WWOX: variants seen among roughly 807,000 people sequenced by gnomAD.
WWOX encodes the protein WW domain-containing oxidoreductase.
A neutral mutation model predicts 46.2 loss-of-function variants in WWOX; 69 were observed. That is an observed-to-expected ratio of 1.49 (90% CI 1.23 to 1.82). The LOEUF (loss-of-function observed/expected upper bound fraction) is 1.82, where lower values mean the gene tolerates loss of function less well. Among genes scored for constraint, WWOX ranks in the 40% most tolerant of loss-of-function variants. The pLI, the probability that WWOX is intolerant of heterozygous loss-of-function variation, is 0.00. For missense variants in WWOX, 919 were observed against 542.6 expected (o/e 1.69, Z -6.89); for synonymous variants, 359 against 202.6 (o/e 1.77, Z -6.56).
intron 8 of WWOX, among the ~76,000 whole-genome samples, chr16:78,965,358 T>G (rs9927534): frequency 0.98 from 149,140 of 152,184 alleles, 73,163 homozygotes; most frequent in East Asian, 1. Flanking sequence ...CACCTGAGGT[T>G]AGGAGTTCGA....
intron 8 of WWOX, among the ~76,000 whole-genome samples, chr16:78,888,320 A>G (rs1321342031): frequency 1.3e-5 from 2 of 152,052 alleles, no homozygotes; most frequent in Non-Finnish European, 2.9e-5. Flanking sequence ...GCTTTCCTTG[A>G]TTTGTTGTTT....
At chr16:78,952,310 A>G (rs572806755) in intron 8 of WWOX, among the ~76,000 whole-genome samples, 3 of 151,980 alleles carry the variant, frequency 2.0e-5, no homozygotes, top group Admixed American at 1.3e-4. Flanking sequence ...ATAAGTTTTC[A>G]TAGTTCTGTG....
intron 8 of WWOX, among the ~76,000 whole-genome samples, chr16:79,005,452 C>A (rs1386269177): frequency 1.3e-5 from 2 of 152,118 alleles, no homozygotes; most frequent in Non-Finnish European, 2.9e-5. Flanking sequence ...CTGTATTTTC[C>A]CACAGTTTTG....
At chr16:78,709,784 A>G (rs990697795) in intron 8 of WWOX, among the ~76,000 whole-genome samples, 1 of 149,358 alleles carries the variant, frequency 6.7e-6, no homozygotes, top group Non-Finnish European at 1.5e-5. Context: ...GCTGGAGTGC[A>G]GTGGTGTGAT....
intron 5 of WWOX, among the ~76,000 whole-genome samples, chr16:78,238,743 C>T (rs1481710408): frequency 6.6e-6 from 1 of 151,890 alleles, no homozygotes; most frequent in African/African-American, 2.4e-5. Context: ...CCGCAGCCTC[C>T]CGAGTAGCTG....
chr16:78,454,103 C>G (rs1457535941), intron 8 of WWOX, among the ~76,000 whole-genome samples: 1 of 152,180 alleles, frequency 6.6e-6, no homozygotes, highest in Non-Finnish European at 1.5e-5. Flanking sequence ...CCCAGCAAGC[C>G]TCTTCCAGTA....
chr16:79,064,524 G>T (rs2048408874), intron 8 of WWOX, among the ~76,000 whole-genome samples: 1 of 152,248 alleles, frequency 6.6e-6, no homozygotes, highest in Admixed American at 6.5e-5. Flanking sequence ...CAGATGTGGA[G>T]ACACCTGGAG....
intron 8 of WWOX, among the ~76,000 whole-genome samples, chr16:78,940,118 C>T (rs906169734): frequency 6.6e-5 from 10 of 152,108 alleles, no homozygotes; most frequent in African/African-American, 1.7e-4. Context: ...CAGGGTCTTC[C>T]GAGACTTGGG....
At chr16:78,476,295 T>C (rs2084347052) in intron 8 of WWOX, among the ~76,000 whole-genome samples, 1 of 152,216 alleles carries the variant, frequency 6.6e-6, no homozygotes, top group South Asian at 2.1e-4. Flanking sequence ...TCTGATCATA[T>C]CCTTCGCCCA....
At chr16:79,143,473 C>T (rs1264459117) in intron 8 of WWOX, among the ~76,000 whole-genome samples, 3 of 152,110 alleles carry the variant, frequency 2.0e-5, no homozygotes, top group Non-Finnish European at 4.4e-5. Flanking sequence ...TAAGTGGATT[C>T]TTCGACTTTA....
At chr16:78,634,825 AGAGAGAGAGAGAGTGTGT>A (rs1567452643) in intron 8 of WWOX, among the ~76,000 whole-genome samples, 1 of 109,310 alleles carries the variant, frequency 9.1e-6, no homozygotes, top group African/African-American at 3.8e-5. Flanking sequence ...AGAGAGAGAG[AGAGAGAGAGAGAGTGTGT>A]GTGTGTGTGT....
intron 8 of WWOX, among the ~76,000 whole-genome samples, chr16:78,495,324 A>G (rs1227045931): frequency 2.0e-5 from 3 of 151,520 alleles, no homozygotes; most frequent in East Asian, 3.9e-4. Flanking sequence ...TATTTTTAGT[A>G]TAGACGGGGT....
intron 5 of WWOX, among the ~76,000 whole-genome samples, chr16:78,224,124 C>T (rs1182922968): frequency 6.6e-6 from 1 of 152,096 alleles, no homozygotes; most frequent in African/African-American, 2.4e-5. Flanking sequence ...CTGCCTCAGC[C>T]TCCCAAGTAG....
At chr16:79,063,135 C>T (rs533200148) in intron 8 of WWOX, among the ~76,000 whole-genome samples, 2 of 152,332 alleles carry the variant, frequency 1.3e-5, no homozygotes, top group East Asian at 3.9e-4. Context: ...TATTTCCCCA[C>T]TTCTGCTGAA....
In WWOX at chr16:79,095,152, A is replaced by T. The variant is rs79553290; in HGVS notation, c.1057-116456A>T. On this transcript the variant is annotated intron_variant, in intron 8 of 8. Coordinates refer to ENST00000566780, the MANE Select transcript of WWOX (RefSeq NM_016373.4). ...CTTCCCAATGCCTTAGAATCTACTT[A>T]AGGGTATTTTTGCTGGAGAAAGAGC... 4.7e-3 allele frequency among the ~76,000 whole-genome samples: 718 copies of T among 152,284 alleles called. 6 individuals are homozygous for T. Among genetic ancestry groups the T allele is most frequent in the African/African-American group, 0.016 (681 of 41,552 alleles).
chr16:78,813,077 G>A (rs1267219477), intron 8 of WWOX, among the ~76,000 whole-genome samples: 1 of 150,526 alleles, frequency 6.6e-6, no homozygotes, highest in East Asian at 1.9e-4. Flanking sequence ...ATACTTGTGA[G>A]ATGTTTTCTT....
At position 79,059,898 on chromosome 16, in the gene WWOX, C is replaced by G. The variant is rs111669377; in HGVS notation, c.1057-151710C>G. On this transcript the variant is annotated intron_variant, in intron 8 of 8. Coordinates refer to ENST00000566780, the MANE Select transcript of WWOX (RefSeq NM_016373.4). ...TTTATTAACAACTTGAGTAATTTAT[C>G]AAGTTCAGATTCTTTTTTTCCTCCA... Among the ~76,000 whole-genome samples, 372 of 152,298 alleles carry G rather than the reference C, an allele frequency of 2.4e-3. 1 individual carries two copies. The highest frequency in any genetic ancestry group is 8.1e-3 in the African/African-American group (338 of 41,560).
At chr16:78,205,986 C>T (rs2036382309) in intron 5 of WWOX, among the ~76,000 whole-genome samples, 1 of 151,258 alleles carries the variant, frequency 6.6e-6, no homozygotes, top group South Asian at 2.1e-4. Flanking sequence ...TCCTCCCTCC[C>T]TTCCTCCCTT....
At chr16:78,713,273 CAAAAA>C (rs5818165) in intron 8 of WWOX, among the ~76,000 whole-genome samples, 4 of 17,050 alleles carry the variant, frequency 2.3e-4, no homozygotes, top group African/African-American at 2.8e-4. Flanking sequence ...GACTCTGTCT[CAAAAA>C]AAAAAAAAAA....
Sources: gnomAD v4.1 joint callset for allele counts (sites outside exome capture counted in the v4.1 genomes callset) on GRCh38, gnomAD v4.1.1 for gene constraint, MANE v1.5 for transcripts, NCBI Gene and HGNC (gene_info 2026-07-23, HGNC 2026-07-21) for gene names.